CNTLN: variants seen among roughly 807,000 people sequenced by gnomAD.
The protein encoded by CNTLN is centlein, also known as centlein, centrosomal protein.
Under a neutral mutation model 180.0 loss-of-function variants are expected in CNTLN, and 212 were observed. The observed-to-expected ratio is 1.18, with a 90% CI of 1.05 to 1.32. The LOEUF is 1.32. Among genes scored for constraint, CNTLN ranks in the 40% most tolerant of loss-of-function variants. The probability of loss-of-function intolerance (pLI) is 0.00; values close to 1 mark genes in which losing one functional copy is unlikely to be tolerated. For synonymous variants in CNTLN, 722 were observed against 563.1 expected (o/e 1.28, Z -3.99); for missense variants, 2,095 against 1,610.9 (o/e 1.30, Z -5.14).
Position 17,236,495 on chromosome 9 carries a change from C to T in CNTLN, c.756C>T (p.Thr252=), listed in dbSNP as rs763583572. 1 of 1,613,250 alleles carries T rather than the reference C, an allele frequency of 6.2e-7. No homozygotes were observed. The highest frequency in any genetic ancestry group is 1.3e-5 in the African/African-American group (1 of 74,798). ...AGGAGGAAAACAAGAAATTAAGTAC[C>T]CGCTGCACTGACCTGCTAAATGACC... ...NLEEENKKLS[T]RCTDLLNDLE... is the part of the protein sequence containing the mutation. Residue 252 remains threonine (T), a synonymous_variant, in exon 5 of 26, where the codon ACC becomes ACT. Transcript: ENST00000380647.
chr9:17,386,091 C>G (rs2133638030), intron 13 of CNTLN, among the ~76,000 whole-genome samples: 1 of 151,966 alleles, frequency 6.6e-6, no homozygotes, highest in East Asian at 1.9e-4. Flanking sequence ...CTTTAAGAAA[C>G]TTTTTGTATG....
intron 2 of CNTLN, among the ~76,000 whole-genome samples, chr9:17,191,554 AC>A (rs1821787810): frequency 6.6e-6 from 1 of 152,208 alleles, no homozygotes; most frequent in African/African-American, 2.4e-5. Flanking sequence ...TAAGATCCTA[AC>A]TAATTTCTGT....
At chr9:17,251,288 A>G (rs115100638) in intron 5 of CNTLN, among the ~76,000 whole-genome samples, 161 of 152,040 alleles carry the variant, frequency 1.1e-3, no homozygotes, top group Middle Eastern at 3.4e-3. Context: ...GTAGATTCAT[A>G]TCTTTCATCA....
chr9:17,467,796 A>G (rs963332652), intron 23 of CNTLN, among the ~76,000 whole-genome samples: 6 of 151,728 alleles, frequency 4.0e-5, no homozygotes, highest in African/African-American at 1.2e-4. Flanking sequence ...GCTGGTGGGA[A>G]TGTAAATTAG....
At chr9:17,353,848 C>A (rs1026677247) in intron 12 of CNTLN, among the ~76,000 whole-genome samples, 4 of 152,158 alleles carry the variant, frequency 2.6e-5, no homozygotes, top group Non-Finnish European at 4.4e-5. Flanking sequence ...CTTGAGGAGC[C>A]CTTCAGCCCA....
At chr9:17,411,850 A>T (rs777111101) in intron 16 of CNTLN, among the ~76,000 whole-genome samples, 4 of 152,142 alleles carry the variant, frequency 2.6e-5, no homozygotes, top group South Asian at 2.1e-4. Context: ...GGTGCCAAAA[A>T]GGTTAAGAAC....
intron 10 of CNTLN, among the ~76,000 whole-genome samples, chr9:17,336,415 C>G (rs778195582): frequency 1.3e-5 from 2 of 152,092 alleles, no homozygotes; most frequent in Non-Finnish European, 2.9e-5. Context: ...TAAAACTTTA[C>G]TCTCTATTGC....
chr9:17,487,103 A>C, intron 25 of CNTLN, 37 bp downstream of exon 25: 1 of 1,368,540 alleles, frequency 7.3e-7, no homozygotes, highest in Non-Finnish European at 1.0e-6. Context: ...TAAGCTTCCA[A>C]ATAAGAATTC....
At chr9:17,220,438 T>C (rs1469320184) in intron 2 of CNTLN, among the ~76,000 whole-genome samples, 1 of 152,128 alleles carries the variant, frequency 6.6e-6, no homozygotes, top group Admixed American at 6.6e-5. Context: ...TAGGGGTACA[T>C]GTGCAGGTTT....
At chr9:17,232,642 T>C (rs1351271293) in intron 3 of CNTLN, among the ~76,000 whole-genome samples, 2 of 152,094 alleles carry the variant, frequency 1.3e-5, no homozygotes, top group East Asian at 3.8e-4. Context: ...TTAATGCTTA[T>C]ATTATTGAAT....
In CNTLN at chr9:17,296,122, C is replaced by G. The variant is rs186044751; in HGVS notation, c.984-2068C>G. On this transcript the variant is annotated intron_variant, in intron 6 of 25. Transcript: ENST00000380647. ...GGATCAAATGATTCCTCTGCCTCAG[C>G]CTCCTGAGTAGCTGGAACTACAGAT... Among the ~76,000 whole-genome samples, 10 of 151,702 alleles carry G rather than the reference C, an allele frequency of 6.6e-5. No individual in the cohort carries two copies. In the East Asian group the frequency reaches 2.0e-3, roughly 30 times the overall value.
chr9:17,192,013 G>C, intron 2 of CNTLN, among the ~76,000 whole-genome samples: 1 of 152,082 alleles, frequency 6.6e-6, no homozygotes, highest in East Asian at 1.9e-4. Context: ...TGATTTTTTA[G>C]AATGATACAT....
intron 25 of CNTLN, among the ~76,000 whole-genome samples, chr9:17,500,898 C>T (rs1363871484): frequency 6.6e-6 from 1 of 152,290 alleles, no homozygotes; most frequent in South Asian, 2.1e-4. Flanking sequence ...ATTTGTAAAA[C>T]TGGCATCTTT....
At chr9:17,404,006 C>T (rs1827185036) in intron 15 of CNTLN, among the ~76,000 whole-genome samples, 2 of 151,720 alleles carry the variant, frequency 1.3e-5, no homozygotes, top group African/African-American at 2.4e-5. Flanking sequence ...AAACTCCTGA[C>T]CTCAGGTGAT....
chr9:17,380,193 A>G (rs1825123505), intron 13 of CNTLN, among the ~76,000 whole-genome samples: 1 of 152,198 alleles, frequency 6.6e-6, no homozygotes, highest in African/African-American at 2.4e-5. Flanking sequence ...TTGCCAGTGG[A>G]TCCTCAAACA....
chr9:17,476,449 A>G (rs185969788), intron 23 of CNTLN, among the ~76,000 whole-genome samples: 82 of 152,350 alleles, frequency 5.4e-4, no homozygotes, highest in Middle Eastern at 3.4e-3. Flanking sequence ...TGAGGAAGGC[A>G]TGTCAAAAGC....
intron 6 of CNTLN, among the ~76,000 whole-genome samples, chr9:17,288,249 C>T (rs1384563512): frequency 2.5e-5 from 3 of 119,354 alleles, no homozygotes; most frequent in East Asian, 2.5e-4. Flanking sequence ...TTATTGCTGC[C>T]TTCATTTCAT....
In CNTLN at chr9:17,135,357, A is replaced by C. The variant is rs1216967201; in HGVS notation, c.292A>C (p.Met98Leu). 9 of 1,601,036 alleles carry C rather than the reference A, an allele frequency of 5.6e-6. No homozygotes were observed. Among genetic ancestry groups the C allele is most frequent in the Non-Finnish European group, 7.7e-6 (9 of 1,174,736 alleles). ...AGAGGGCATCTCGGTAGAGGAGGCG[A>C]TGGTGACCCGGACGCAGCTGCTGGA... is the stretch of plus-strand genomic sequence containing the variant. ...RLEGISVEEA[M>L]VTRTQLLEEE... Residue 98 changes from methionine (M) to leucine (L), a missense_variant, in exon 1 of 26, where the codon ATG becomes CTG. Coordinates refer to ENST00000380647, the MANE Select transcript of CNTLN (RefSeq NM_017738.4).
intron 5 of CNTLN, among the ~76,000 whole-genome samples, chr9:17,270,850 G>T (rs185249453): frequency 2.0e-5 from 3 of 151,044 alleles, no homozygotes; most frequent in Non-Finnish European, 4.4e-5. Flanking sequence ...TAATATAGTC[G>T]CATGGCTCAA....
Sources: allele counts gnomAD v4.1 joint callset (sites outside exome capture counted in the v4.1 genomes callset), GRCh38; gene constraint gnomAD v4.1.1; transcripts MANE v1.5; gene names NCBI Gene and HGNC (gene_info 2026-07-23, HGNC 2026-07-21).